Variants in CEACAM5 observed in about 807,000 individuals in gnomAD.
CEACAM5 encodes CEA cell adhesion molecule 5.
In CEACAM5, 52 loss-of-function variants were observed where a neutral mutation model predicts 63.0. The observed-to-expected ratio is 0.83, with a 90% CI of 0.66 to 1.04. The LOEUF is 1.04. Ranked by LOEUF, CEACAM5 falls within the 50% of genes least tolerant of loss-of-function variation. CEACAM5 has a pLI of 0.00. For synonymous variants in CEACAM5, 357 were observed against 351.3 expected (o/e 1.02, Z -0.18); for missense variants, 790 against 864.8 (o/e 0.91, Z 1.08).
chr19:41,715,776 T>C lies in CEACAM5; in HGVS notation c.830T>C (p.Phe277Ser), dbSNP rs782180675. ...TACTCTTGGTTTGTCAATGGGACTT[T>C]CCAGCAATCCACCCAAGAGCTCTTT... is the stretch of plus-strand genomic sequence containing the variant. ...AQYSWFVNGTFQQSTQELFIP... is the reference protein window; with the variant it reads ...AQYSWFVNGTSQQSTQELFIP... The change falls in exon 4 of 10, where the codon TTC becomes TCC. Residue 277 changes from phenylalanine (F) to serine (S), a missense_variant. Phe to Ser is a radical substitution (Grantham distance 155). Transcript: ENST00000221992. 2 of 1,614,214 alleles carry C rather than the reference T, an allele frequency of 1.2e-6. No homozygotes were observed. The highest frequency in any genetic ancestry group is 1.1e-5 in the South Asian group (1 of 91,082).
chr19:41,715,827 G>C lies in CEACAM5; in HGVS notation c.881G>C (p.Ser294Thr). ...LFIPNITVNN[S>T]GSYTCQAHNS... ...ATCCCCAACATCACTGTGAATAATA[G>C]TGGATCCTATACGTGCCAAGCCCAT... Residue 294 changes from serine to threonine, a missense_variant, in exon 4 of 10, where the codon AGT (serine) becomes ACT (threonine). Coordinates refer to ENST00000221992, the MANE Select transcript of CEACAM5 (RefSeq NM_004363.6). The C allele has an allele frequency of 6.2e-7, 1 of 1,614,178 alleles. No homozygotes were observed. Among genetic ancestry groups the C allele is most frequent in the Non-Finnish European group, 8.5e-7 (1 of 1,180,030 alleles).
chr19:41,727,454 C>T (rs2072716172), intron 9 of CEACAM5, 102 bp downstream of exon 9: 1 of 692,592 alleles, frequency 1.4e-6, no homozygotes, highest in African/African-American at 1.8e-5. Context: ...GACTGGATCT[C>T]TTCCTCCTAC....
intron 6 of CEACAM5, among the ~76,000 whole-genome samples, chr19:41,718,725 A>T (rs1201728009): frequency 6.6e-6 from 1 of 152,210 alleles, no homozygotes; most frequent in African/African-American, 2.4e-5. Flanking sequence ...TTCTGACACC[A>T]CTTTGTGTTC....
intron 3 of CEACAM5, 59 bp from the exon 4 acceptor site, chr19:41,715,591 C>T: frequency 6.3e-7 from 1 of 1,599,754 alleles, no homozygotes; most frequent in Non-Finnish European, 8.5e-7. Context: ...CTTCCATAGA[C>T]CAGGAACTTC....
In CEACAM5 at chr19:41,717,699, T is replaced by A. The variant is rs782376392; in HGVS notation, c.1203T>A (p.Val401=). 1.2e-6 allele frequency: 2 copies of A among 1,614,072 alleles called. No homozygotes were observed. The highest frequency in any genetic ancestry group is 1.7e-6 in the Non-Finnish European group (2 of 1,180,036). Residue 401 remains valine, a synonymous_variant, in exon 5 of 10, where the codon GTT becomes GTA. Transcript: ENST00000221992. ...YECGIQNELS[V]DHSDPVILNV... ...GTGGAATCCAGAACGAATTAAGTGT[T>A]GACCACAGCGACCCAGTCATCCTGA... is the stretch of plus-strand genomic sequence containing the variant.
At chr19:41,712,003 C>T (rs1350926106) in intron 2 of CEACAM5, among the ~76,000 whole-genome samples, 1 of 152,206 alleles carries the variant, frequency 6.6e-6, no homozygotes, top group East Asian at 1.9e-4. Context: ...CCGCTGTGTT[C>T]CTGCCCAGGG....
rs1555815404 is a variant in CEACAM5 at position 41,718,201 on chromosome 19, C to T, written c.1311C>T (p.Cys437=). 1.2e-6 allele frequency: 2 copies of T among 1,614,200 alleles called. No homozygotes were observed. Among genetic ancestry groups the T allele is most frequent in the South Asian group, 1.1e-5 (1 of 91,078 alleles). ...YRPGVNLSLS[C]HAASNPPAQY... ...CAGGGGTGAACCTCAGCCTCTCCTG[C>T]CATGCAGCCTCTAACCCACCTGCAC... The change falls in exon 6 of 10, where the codon TGC becomes TGT. Residue 437 remains cysteine (C), a synonymous_variant. Transcript: ENST00000221992.
In CEACAM5 at chr19:41,717,640, A is replaced by T. The variant is rs782534291; in HGVS notation, c.1144A>T (p.Ser382Cys). The T allele has an allele frequency of 6.2e-7, 1 of 1,614,216 alleles. No individual in the cohort carries two copies. Among genetic ancestry groups the T allele is most frequent in the Non-Finnish European group, 8.5e-7 (1 of 1,180,034 alleles). Residue 382 changes from serine (S) to cysteine (C), a missense_variant, in exon 5 of 10, where the codon AGT (serine) becomes TGT (cysteine). Coordinates refer to ENST00000221992, the MANE Select transcript of CEACAM5 (RefSeq NM_004363.6). ...SNDNRTLTLL[S>C]VTRNDVGPYE... ...TGACAACAGGACCCTCACTCTACTCAGTGTCACAAGGAATGATGTAGGACC... is the reference window on the plus strand; with the variant it reads ...TGACAACAGGACCCTCACTCTACTCTGTGTCACAAGGAATGATGTAGGACC...
intron 7 of CEACAM5, among the ~76,000 whole-genome samples, chr19:41,720,675 G>A (rs1010832893): frequency 3.3e-5 from 5 of 151,764 alleles, no homozygotes; most frequent in Non-Finnish European, 7.4e-5. Flanking sequence ...CCCAGCTAAT[G>A]TTTTTTGTAT....
Position 41,708,664 on chromosome 19 carries a change from C to A in CEACAM5, c.-68C>A. ...ACAGCAGACCAGACAGTCACAGCAGCCTTGACAAAACGTTCCTGGAACTCA... is the reference window on the plus strand; with the variant it reads ...ACAGCAGACCAGACAGTCACAGCAGACTTGACAAAACGTTCCTGGAACTCA... On this transcript the variant is annotated 5_prime_UTR_variant, in exon 1 of 10. Coordinates refer to ENST00000221992, the MANE Select transcript of CEACAM5 (RefSeq NM_004363.6). 1 of 1,420,624 alleles carries A rather than the reference C, an allele frequency of 7.0e-7. No individual in the cohort carries two copies. The highest frequency in any genetic ancestry group is 2.4e-5 in the East Asian group (1 of 42,012). The allele number at this position is 1,420,624 out of a possible 1,614,324, so 88.0% of individuals were successfully genotyped here.
chr19:41,723,993 C>CT (rs1600476623), intron 8 of CEACAM5, among the ~76,000 whole-genome samples: 1 of 150,462 alleles, frequency 6.6e-6, no homozygotes, highest in Non-Finnish European at 1.5e-5. Flanking sequence ...TCCAGTTTAT[C>CT]AATTTTTTTC....
intron 2 of CEACAM5, among the ~76,000 whole-genome samples, chr19:41,711,511 G>A (rs530015301): frequency 1.1e-4 from 16 of 152,204 alleles, no homozygotes; most frequent in African/African-American, 3.6e-4. Flanking sequence ...CACCTGTTCC[G>A]TGTCCATCAG....
At chr19:41,720,692 T>C (rs1235716213) in intron 7 of CEACAM5, among the ~76,000 whole-genome samples, 1 of 152,052 alleles carries the variant, frequency 6.6e-6, no homozygotes. Context: ...GTATTTTTAG[T>C]AGAGACGGGG....
At chr19:41,718,507 C>A in intron 6 of CEACAM5, 125 bp downstream of exon 6, 1 of 936,776 alleles carries the variant, frequency 1.1e-6, no homozygotes, top group Non-Finnish European at 1.6e-6. Flanking sequence ...ATCCCAAATT[C>A]AATCCTGAGC....
intron 2 of CEACAM5, 88 bp downstream of exon 2, chr19:41,710,127 C>A (rs1165909381): frequency 9.1e-6 from 14 of 1,534,002 alleles, no homozygotes; most frequent in South Asian, 1.3e-5. Flanking sequence ...GTGCCTGTGG[C>A]CCCCTCTGCA....
chr19:41,717,957 G>A (rs1437846938), intron 5 of CEACAM5, among the ~76,000 whole-genome samples, 171 bp from the exon 6 acceptor site: 1 of 152,188 alleles, frequency 6.6e-6, no homozygotes, highest in Non-Finnish European at 1.5e-5. Context: ...AGCTAGTGAT[G>A]GGAGAAACAG....
chr19:41,710,181 A>T, intron 2 of CEACAM5, 142 bp downstream of exon 2: 1 of 1,230,820 alleles, frequency 8.1e-7, no homozygotes. Flanking sequence ...CAGGATACAC[A>T]CAGAAGAGAC....
chr19:41,725,852 T>G (rs1555817057), intron 8 of CEACAM5, among the ~76,000 whole-genome samples: 1 of 152,198 alleles, frequency 6.6e-6, no homozygotes, highest in Non-Finnish European at 1.5e-5. Flanking sequence ...ATTTCCTTCA[T>G]GTACTATCTG....
rs1436036251 is a variant in CEACAM5, at chr19:41,715,144, C to G, written c.598C>G (p.Leu200Val). ...GCAGCTGTCCAATGGCAACAGGACC[C>G]TCACTCTATTCAATGTCACAAGAAA... ...RLQLSNGNRT[L>V]TLFNVTRNDT... The change falls in exon 3 of 10, where the codon CTC (leucine) becomes GTC (valine). Residue 200 changes from leucine (L) to valine (V), a missense_variant. Physicochemically the swap from Leu to Val is conservative, Grantham distance 32. Coordinates refer to ENST00000221992, the MANE Select transcript of CEACAM5 (RefSeq NM_004363.6). 6.2e-7 allele frequency: 1 copy of G among 1,614,072 alleles called. No homozygotes were observed. The highest frequency in any genetic ancestry group is 8.5e-7 in the Non-Finnish European group (1 of 1,180,050).
Sources: allele counts gnomAD v4.1 joint callset (sites outside exome capture counted in the v4.1 genomes callset), GRCh38; gene constraint gnomAD v4.1.1; transcripts MANE v1.5; gene names NCBI Gene and HGNC (gene_info 2026-07-23, HGNC 2026-07-21).